SLC8A1: variants seen among roughly 807,000 people sequenced by gnomAD.
SLC8A1 encodes the protein sodium/calcium exchanger 1.
A neutral mutation model predicts 68.3 loss-of-function variants in SLC8A1; 18 were observed. The ratio of observed to expected loss-of-function variants is 0.26; its 90% CI spans 0.18 to 0.39. SLC8A1 has a LOEUF of 0.39. Ranked by LOEUF, SLC8A1 falls within the 10% of genes least tolerant of loss-of-function variation. SLC8A1 has a pLI of 1.00. For missense variants in SLC8A1, 985 were observed against 1,156.7 expected, an observed-to-expected ratio of 0.85 and a Z score of 2.15; for synonymous variants, 475 against 415.5, an observed-to-expected ratio of 1.14 and a Z score of -1.74.
chr2:40,243,970 G>A (rs1035283203), intron 2 of SLC8A1, among the ~76,000 whole-genome samples: 1 of 152,142 alleles, frequency 6.6e-6, no homozygotes, highest in African/African-American at 2.4e-5. Flanking sequence ...AGCTTCTAGG[G>A]AGACTGTGAC....
chr2:40,475,104 C>G (rs758508944), intron 1 of SLC8A1, among the ~76,000 whole-genome samples: 1 of 152,032 alleles, frequency 6.6e-6, no homozygotes, highest in Non-Finnish European at 1.5e-5. Context: ...AACTTGTGAA[C>G]TTCTTTCTGC....
At chr2:40,371,926 AC>A (rs981633233) in intron 2 of SLC8A1, among the ~76,000 whole-genome samples, 3 of 152,102 alleles carry the variant, frequency 2.0e-5, no homozygotes, top group Admixed American at 6.6e-5. Flanking sequence ...GAGACAAAAA[AC>A]CAGGACTATA....
chr2:40,150,236 G>A (rs902442760), intron 6 of SLC8A1, among the ~76,000 whole-genome samples: 1 of 152,128 alleles, frequency 6.6e-6, no homozygotes, highest in Admixed American at 6.5e-5. Flanking sequence ...GTTGGTTCAC[G>A]CGAGTGGCTT....
chr2:40,252,942 C>T (rs1325457057), intron 2 of SLC8A1, among the ~76,000 whole-genome samples: 5 of 133,950 alleles, frequency 3.7e-5, no homozygotes, highest in African/African-American at 9.3e-5. Context: ...TATGTATGTA[C>T]ATATATACAT....
At chr2:40,283,795 G>T (rs115693877) in intron 2 of SLC8A1, among the ~76,000 whole-genome samples, 1,766 of 152,222 alleles carry the variant, frequency 0.012, 33 homozygotes, top group African/African-American at 0.04. Flanking sequence ...AATAGACGCC[G>T]AAGATAGAAC....
rs111881900 is a variant in SLC8A1, at chr2:40,349,044, T to C, written c.1808+79429A>G. ...CCACAAAATACACATAAGCACAAAA[T>C]TGTGCACACAGCTTCAAGGGCTTCC... On this transcript the variant is annotated intron_variant, in intron 2 of 7. Coordinates refer to ENST00000406785, the Ensembl canonical transcript of SLC8A1. Among the ~76,000 whole-genome samples, 65 of 152,276 alleles carry C rather than the reference T, an allele frequency of 4.3e-4. 2 individuals carry two copies. Among genetic ancestry groups the C allele is most frequent in the African/African-American group, 1.3e-3 (55 of 41,546 alleles).
intron 6 of SLC8A1, among the ~76,000 whole-genome samples, chr2:40,158,379 G>A (rs1054876982): frequency 6.6e-6 from 1 of 152,110 alleles, no homozygotes; most frequent in East Asian, 1.9e-4. Flanking sequence ...TTTAAAACAT[G>A]GGTTTGACTT....
intron 2 of SLC8A1, among the ~76,000 whole-genome samples, chr2:40,372,666 G>A (rs1371100131): frequency 6.6e-6 from 1 of 152,018 alleles, no homozygotes; most frequent in Non-Finnish European, 1.5e-5. Context: ...ACTATTCTTG[G>A]AAATTGCAAC....
intron 3 of SLC8A1, among the ~76,000 whole-genome samples, chr2:40,175,519 T>G (rs2148544254): frequency 6.6e-6 from 1 of 152,190 alleles, no homozygotes; most frequent in Middle Eastern, 3.4e-3. Flanking sequence ...TGTGTGTGTG[T>G]GTGTATATGT....
At chr2:40,138,180 G>C (rs953614706) in intron 7 of SLC8A1, among the ~76,000 whole-genome samples, 3 of 152,144 alleles carry the variant, frequency 2.0e-5, no homozygotes, top group Non-Finnish European at 2.9e-5. Flanking sequence ...GAGAGGTGAA[G>C]TAACTTGGCC....
intron 2 of SLC8A1, among the ~76,000 whole-genome samples, chr2:40,236,682 T>C (rs1303549789): frequency 6.6e-6 from 1 of 152,140 alleles, no homozygotes; most frequent in Non-Finnish European, 1.5e-5. Context: ...GTTGATGCAG[T>C]TTCTTCCTAG....
chr2:40,501,107 G>A (rs1706036278), intron 1 of SLC8A1, among the ~76,000 whole-genome samples: 1 of 151,806 alleles, frequency 6.6e-6, no homozygotes, highest in Admixed American at 6.6e-5. Flanking sequence ...TTTTCTGTCT[G>A]GAAATCTCCC....
chr2:40,134,967 T>A (rs1298105100), intron 7 of SLC8A1, among the ~76,000 whole-genome samples: 1 of 152,186 alleles, frequency 6.6e-6, no homozygotes, highest in East Asian at 1.9e-4. Context: ...AGTTGGTGAT[T>A]ATGAAAGGAC....
exon 8 of SLC8A1, chr2:40,113,784 C>T (rs982933151): frequency 1.7e-4 from 26 of 152,896 alleles, no homozygotes; most frequent in African/African-American, 5.5e-4. Flanking sequence ...AACATATCAA[C>T]GTCTCTATAA....
intron 2 of SLC8A1, among the ~76,000 whole-genome samples, chr2:40,413,690 G>A (rs1420752519): frequency 6.6e-6 from 1 of 152,098 alleles, no homozygotes; most frequent in East Asian, 1.9e-4. Context: ...TCACTGCACA[G>A]CATGATACAA....
chr2:40,455,927 G>T (rs967898542), upstream of SLC8A1, among the ~76,000 whole-genome samples: 1 of 150,572 alleles, frequency 6.6e-6, no homozygotes, highest in Admixed American at 6.6e-5. Flanking sequence ...CTGCATTACC[G>T]TGGGGTCAAC....
chr2:40,304,171 C>G (rs2072113203), intron 2 of SLC8A1, among the ~76,000 whole-genome samples: 1 of 152,164 alleles, frequency 6.6e-6, no homozygotes, highest in Admixed American at 6.5e-5. Context: ...ATGGTAACTA[C>G]AGAAGAGCCC....
intron 1 of SLC8A1, among the ~76,000 whole-genome samples, chr2:40,504,255 A>G (rs1706230071): frequency 6.6e-6 from 1 of 152,042 alleles, no homozygotes; most frequent in Non-Finnish European, 1.5e-5. Flanking sequence ...GAATATCCAT[A>G]TGTAGAAGAA....
chr2:40,334,246 A>G (rs1665215571), intron 2 of SLC8A1, among the ~76,000 whole-genome samples: 1 of 152,214 alleles, frequency 6.6e-6, no homozygotes, highest in South Asian at 2.1e-4. Context: ...ATTCCAGTCC[A>G]ATGTGATGTT....
Sources: allele counts gnomAD v4.1 joint callset (sites outside exome capture counted in the v4.1 genomes callset), GRCh38; gene constraint gnomAD v4.1.1; transcripts MANE v1.5; gene names NCBI Gene and HGNC (gene_info 2026-07-23, HGNC 2026-07-21).